Variants in POLA1 observed in about 807,000 individuals in gnomAD.
POLA1 encodes the protein DNA polymerase alpha catalytic subunit.
A neutral mutation model predicts 124.0 loss-of-function variants in POLA1; 15 were observed. That is an observed-to-expected ratio of 0.12 (90% CI 0.08 to 0.19). POLA1 has a LOEUF of 0.19. POLA1 is among the 10% of genes least tolerant of loss of function. The pLI is 1.00. For missense variants in POLA1, 886 were observed against 1,103.4 expected, an observed-to-expected ratio of 0.80 and a Z score of 2.79; for synonymous variants, 408 against 389.4, an observed-to-expected ratio of 1.05 and a Z score of -0.56.
At chrX:24,926,163 G>A (rs1053036032) in intron 35 of POLA1, among the ~76,000 whole-genome samples, 3 of 109,701 alleles carry the variant, frequency 2.7e-5, no homozygotes, top group African/African-American at 1.0e-4. Context: ...CTATGATTGC[G>A]CCACTGCATT....
intron 36 of POLA1, among the ~76,000 whole-genome samples, chrX:24,931,354 C>T (rs2047776797): frequency 9.0e-6 from 1 of 111,431 alleles, no homozygotes; most frequent in African/African-American, 3.3e-5. Context: ...TGGAAACAAC[C>T]GCAATGACAT....
At chrX:24,909,557 A>G (rs1376212171) in intron 35 of POLA1, among the ~76,000 whole-genome samples, 1 of 110,203 alleles carries the variant, frequency 9.1e-6, no homozygotes, top group East Asian at 2.8e-4. Flanking sequence ...GATATGTGGC[A>G]TTATTTCTGA....
At position 24,742,069 on chromosome X, in the gene POLA1, AC is replaced by A; in HGVS notation, c.2415del (p.Asn805LysfsTer108). On this transcript the variant is annotated frameshift_variant, in exon 22 of 37. Transcript: ENST00000379068. LOFTEE classifies it high-confidence loss of function. The part of the protein sequence containing the change: ...EFLLLHAFYE[N>X]NYIVPDKQIF... ...TTGTTGCTTCATGCATTTTACGAAAACAACTATATTGTGCCTGACAAGCAGA... is the reference window on the plus strand; with the variant it reads ...TTGTTGCTTCATGCATTTTACGAAAAAACTATATTGTGCCTGACAAGCAGA... 1 of 1,206,725 alleles carries A rather than the reference AC, an allele frequency of 8.3e-7. No individual in the cohort carries two copies. Among genetic ancestry groups the A allele is most frequent in the Non-Finnish European group, 1.1e-6 (1 of 891,962 alleles).
intron 34 of POLA1, among the ~76,000 whole-genome samples, chrX:24,849,418 C>T (rs929699394): frequency 1.5e-4 from 17 of 112,391 alleles, no homozygotes; most frequent in Non-Finnish European, 3.0e-4. Context: ...AAATGAATGT[C>T]AGGGATACCA....
chrX:24,740,486 TTA>T (rs1931565072), intron 20 of POLA1, among the ~76,000 whole-genome samples: 1 of 111,996 alleles, frequency 8.9e-6, no homozygotes, highest in African/African-American at 3.2e-5. Flanking sequence ...AGAATCAGAG[TTA>T]TCCTGCTAAA....
At chrX:24,790,967 C>T (rs1284401545) in intron 26 of POLA1, among the ~76,000 whole-genome samples, 1 of 101,772 alleles carries the variant, frequency 9.8e-6, no homozygotes, top group Non-Finnish European at 2.0e-5. Context: ...GAAGAACTTG[C>T]AATTGTTAAG....
chrX:24,949,232 C>G (rs1438609003), intron 36 of POLA1, among the ~76,000 whole-genome samples: 2 of 111,829 alleles, frequency 1.8e-5, no homozygotes, highest in African/African-American at 6.5e-5. Context: ...TTTAATTTGC[C>G]TGAAGAACAC....
intron 26 of POLA1, among the ~76,000 whole-genome samples, chrX:24,783,578 T>G (rs1484516609): frequency 8.9e-6 from 1 of 112,067 alleles, no homozygotes; most frequent in Non-Finnish European, 1.9e-5. Flanking sequence ...ATTTAATTAT[T>G]TCGTGAAATT....
chrX:24,909,351 G>A (rs1276224354), intron 35 of POLA1, among the ~76,000 whole-genome samples: 37 of 112,048 alleles, frequency 3.3e-4, no homozygotes, highest in African/African-American at 1.1e-3. Flanking sequence ...TTTTCTTCTA[G>A]GGTTTTTATG....
chrX:24,777,119 A>G (rs1473159791), intron 26 of POLA1, among the ~76,000 whole-genome samples: 1 of 112,445 alleles, frequency 8.9e-6, no homozygotes, highest in Non-Finnish European at 1.9e-5. Flanking sequence ...GGTAATAGGC[A>G]GACTTACATA....
intron 30 of POLA1, among the ~76,000 whole-genome samples, chrX:24,819,860 T>C (rs11573415): frequency 0.037 from 4,093 of 111,264 alleles, 206 homozygotes; most frequent in African/African-American, 0.13. Flanking sequence ...CCTGTGTCCA[T>C]GTGTTCTCTT....
At chrX:24,926,749 C>T (rs1383446604) in intron 35 of POLA1, among the ~76,000 whole-genome samples, 2 of 111,210 alleles carry the variant, frequency 1.8e-5, no homozygotes, top group Non-Finnish European at 3.8e-5. Context: ...ACTAGAACTA[C>T]CTGGCAGCCC....
chrX:24,800,386 C>T (rs746772986), intron 26 of POLA1, among the ~76,000 whole-genome samples: 3 of 111,279 alleles, frequency 2.7e-5, no homozygotes, highest in Non-Finnish European at 5.7e-5. Flanking sequence ...ATTTCTTGAC[C>T]TTAGGTTAAT....
At chrX:24,975,306 G>A (rs764836158) in intron 36 of POLA1, among the ~76,000 whole-genome samples, 165 of 112,631 alleles carry the variant, frequency 1.5e-3, no homozygotes, top group African/African-American at 4.7e-3. Flanking sequence ...CACCGCACCC[G>A]GCCCTTGGGT....
intron 36 of POLA1, among the ~76,000 whole-genome samples, chrX:24,988,277 A>G (rs923716728): frequency 5.3e-5 from 6 of 112,610 alleles, no homozygotes; most frequent in East Asian, 2.8e-4. Flanking sequence ...GTCATCAACT[A>G]ACATTTGTTG....
chrX:24,906,060 G>T (rs1052547045), intron 35 of POLA1, among the ~76,000 whole-genome samples: 1 of 111,834 alleles, frequency 8.9e-6, no homozygotes, highest in Non-Finnish European at 1.9e-5. Flanking sequence ...CTGCTGGTGG[G>T]AATGTAAACT....
intron 26 of POLA1, among the ~76,000 whole-genome samples, chrX:24,757,146 A>G (rs1932646818): frequency 8.9e-6 from 1 of 111,766 alleles, no homozygotes; most frequent in Non-Finnish European, 1.9e-5. Flanking sequence ...TGCTTACATT[A>G]TAAAATTTGA....
At chrX:24,753,319 ATTTT>A (rs1407778060) in intron 26 of POLA1, among the ~76,000 whole-genome samples, 1 of 30,136 alleles carries the variant, frequency 3.3e-5, no homozygotes, top group Admixed American at 3.7e-4. Context: ...CGCCAGGCCT[ATTTT>A]ATTTTATTTT....
At chrX:24,768,141 A>G (rs1951845849) in intron 26 of POLA1, among the ~76,000 whole-genome samples, 1 of 112,156 alleles carries the variant, frequency 8.9e-6, no homozygotes, top group Non-Finnish European at 1.9e-5. Flanking sequence ...GTTTGAAAGG[A>G]TGTGTACTGT....
Sources: allele counts gnomAD v4.1 joint callset (sites outside exome capture counted in the v4.1 genomes callset), GRCh38; gene constraint gnomAD v4.1.1; transcripts MANE v1.5; gene names NCBI Gene and HGNC (gene_info 2026-07-23, HGNC 2026-07-21).